The following FAM149A variants were observed in gnomAD, a reference collection of about 807,000 sequenced individuals.
FAM149A encodes the protein protein FAM149A.
Under a neutral mutation model 78.2 loss-of-function variants are expected in FAM149A, and 71 were observed. That is an observed-to-expected ratio of 0.91 (90% CI 0.75 to 1.11). FAM149A has a LOEUF of 1.11. Ranked by LOEUF, FAM149A falls within the 50% of genes least tolerant of loss-of-function variation. FAM149A has a pLI of 0.00. For missense variants in FAM149A, 1,036 were observed against 971.0 expected, an observed-to-expected ratio of 1.07 and a Z score of -0.89; for synonymous variants, 446 against 410.5, an observed-to-expected ratio of 1.09 and a Z score of -1.04.
Position 186,105,317 on chromosome 4 carries a change from G to T in FAM149A, c.241G>T (p.Gly81Cys). 8.6e-7 allele frequency: 1 copy of T among 1,169,500 alleles called. No homozygotes were observed. Among genetic ancestry groups the T allele is most frequent in the South Asian group, 1.6e-5 (1 of 61,918 alleles). 72.4% of individuals were successfully genotyped at this position (1,169,500 alleles called of 1,614,324 possible). ...GCTGCTCTCCTCCCCCTACTCCCGG[G>T]GCTCCGCCGCCAGCCGCGCCGCGGG... Residue 81 changes from glycine to cysteine, a missense_variant, in exon 1 of 14, where the codon GGC becomes TGC. Transcript: ENST00000389354.
intron 1 of FAM149A, among the ~76,000 whole-genome samples, chr4:186,124,864 G>C (rs1318776497): frequency 6.6e-6 from 1 of 152,068 alleles, no homozygotes; most frequent in Non-Finnish European, 1.5e-5. Flanking sequence ...GGTTGAACTA[G>C]TTTACAGTCC....
intron 1 of FAM149A, among the ~76,000 whole-genome samples, chr4:186,146,213 G>T (rs1733022582): frequency 6.6e-6 from 1 of 152,108 alleles, no homozygotes; most frequent in South Asian, 2.1e-4. Flanking sequence ...GGTCAAGTTT[G>T]TATGTTATTA....
chr4:186,151,147 G>A, intron 3 of FAM149A: 1 of 730,110 alleles, frequency 1.4e-6, no homozygotes, highest in Non-Finnish European at 1.7e-6. Context: ...GCTCAGCACT[G>A]CTAGGAGGAC....
At position 186,104,860 on chromosome 4, in the gene FAM149A, C is replaced by T. The variant is rs1190312721; in HGVS notation, c.-217C>T. On this transcript the variant is annotated 5_prime_UTR_variant, in exon 1 of 14. Transcript: ENST00000389354. ...CGCTGGGACGAGGCGGGGCTGCTCT[C>T]CGCAGCCGGGGCGCTCGGCGGACGG... The T allele has an allele frequency of 1.3e-5, 9 of 699,942 alleles. No individual in the cohort carries two copies. Among genetic ancestry groups the T allele is most frequent in the Non-Finnish European group, 1.6e-5 (9 of 569,356 alleles). 43.4% of individuals were successfully genotyped at this position (699,942 alleles called of 1,614,324 possible). A position where few individuals can be genotyped will look rare whatever the true frequency, so the allele number is the denominator to read the frequency against.
At chr4:186,121,729 C>T (rs1285133395) in intron 1 of FAM149A, among the ~76,000 whole-genome samples, 1 of 152,226 alleles carries the variant, frequency 6.6e-6, no homozygotes, top group Non-Finnish European at 1.5e-5. Flanking sequence ...GAGTGTGGTG[C>T]TGCCATCCTA....
chr4:186,154,384 AT>A, intron 5 of FAM149A, 83 bp from the exon 6 acceptor site: 1 of 1,179,584 alleles, frequency 8.5e-7, no homozygotes. Context: ...TTTACAGATA[AT>A]TGAAAGATCC....
chr4:186,124,159 CTG>C (rs2099317245), intron 1 of FAM149A: 1 of 985,186 alleles, frequency 1.0e-6, no homozygotes, highest in South Asian at 4.7e-5. Context: ...CAGAATAATC[CTG>C]TGAGTAGGAA....
intron 3 of FAM149A, among the ~76,000 whole-genome samples, chr4:186,150,662 G>T (rs77576927): frequency 7.1e-6 from 1 of 141,688 alleles, no homozygotes; most frequent in Non-Finnish European, 1.5e-5. Context: ...CTCGTGATCC[G>T]CCCGTCTCGG....
Position 186,144,316 on chromosome 4 carries a change from C to G in FAM149A, c.567-4857C>G, listed in dbSNP as rs1316023369. The G allele has an allele frequency of 6.6e-6, 1 of 152,274 alleles. No individual in the cohort carries two copies. Among genetic ancestry groups the G allele is most frequent in the African/African-American group, 2.4e-5 (1 of 41,444 alleles). The allele number at this position is 152,274 out of a possible 1,614,324, so 9.4% of individuals were successfully genotyped here. A position where few individuals can be genotyped will look rare whatever the true frequency, so the allele number is the denominator to read the frequency against. On this transcript the variant is annotated intron_variant, in intron 1 of 13. Coordinates refer to ENST00000389354, the MANE Select transcript of FAM149A (RefSeq NM_001367768.3). This position sits in a 1 kb window ranked among gnomAD's most constrained non-coding sequence, Gnocchi z 4.2. The stretch of plus-strand genomic sequence containing the variant: ...ATGCTCGGGGTGTGCAGGAGATGCA[C>G]CGGCTTGTGTGAGCCGGTAGGGCAG...
intron 7 of FAM149A, among the ~76,000 whole-genome samples, chr4:186,157,130 T>C (rs7676896): frequency 0.57 from 87,368 of 152,146 alleles, 26,989 homozygotes; most frequent in Non-Finnish European, 0.71. Context: ...ATGTAAACAT[T>C]GCTAATTGAA....
At chr4:186,136,674 A>C (rs2099322838) in intron 1 of FAM149A, among the ~76,000 whole-genome samples, 1 of 152,100 alleles carries the variant, frequency 6.6e-6, no homozygotes, top group African/African-American at 2.4e-5. Flanking sequence ...TGGATACAAC[A>C]TTTATAGCAA....
chr4:186,158,504 A>G (rs1368552358), intron 8 of FAM149A: 30 of 1,025,002 alleles, frequency 2.9e-5, no homozygotes, highest in Non-Finnish European at 3.5e-5. Flanking sequence ...GACCCTGAAG[A>G]GATTGAGGTG....
At position 186,153,339 on chromosome 4, in the gene FAM149A, G is replaced by A. The variant is rs965463490; in HGVS notation, c.933-306G>A. ...GCCCAGTGTTGCCTTAGACACCTGA[G>A]TCTGTCATATATGATCTCTAAGCCA... On this transcript the variant is annotated intron_variant, in intron 4 of 13. Transcript: ENST00000389354. 3.0e-5 allele frequency: 28 copies of A among 932,348 alleles called. No homozygotes were observed. In the African/African-American group the frequency reaches 4.4e-4, roughly 15 times the overall value. The allele number at this position is 932,348 out of a possible 1,614,324, so 57.8% of individuals were successfully genotyped here.
intron 1 of FAM149A, among the ~76,000 whole-genome samples, chr4:186,126,667 A>C (rs757553297): frequency 6.6e-6 from 1 of 152,090 alleles, no homozygotes; most frequent in South Asian, 2.1e-4. Flanking sequence ...AAGTCACGCC[A>C]TCGTCACCCC....
intron 1 of FAM149A, among the ~76,000 whole-genome samples, chr4:186,141,756 TAAC>T (rs981377882): frequency 5.5e-4 from 84 of 152,302 alleles, no homozygotes; most frequent in African/African-American, 1.9e-3. Context: ...AGGTTTGGCT[TAAC>T]AAGACGTCAG....
intron 8 of FAM149A, chr4:186,158,580 G>A (rs1346513180): frequency 5.5e-6 from 2 of 365,510 alleles, no homozygotes; most frequent in Admixed American, 3.1e-4. Context: ...GATTGCTCCA[G>A]TGCCTGCTGA....
intron 11 of FAM149A, among the ~76,000 whole-genome samples, chr4:186,166,577 G>T (rs2126542728): frequency 6.6e-6 from 1 of 151,106 alleles, no homozygotes; most frequent in East Asian, 2.0e-4. Context: ...CTTGAACCCT[G>T]GAGGCCAAGG....
At chr4:186,137,343 T>C (rs2099323857) in intron 1 of FAM149A, among the ~76,000 whole-genome samples, 1 of 152,062 alleles carries the variant, frequency 6.6e-6, no homozygotes, top group South Asian at 2.1e-4. Flanking sequence ...GTAAGGTACA[T>C]TGGTCTCTGG....
chr4:186,128,605 AATGGAAAT>A (rs2099319354), intron 1 of FAM149A, among the ~76,000 whole-genome samples: 1 of 152,210 alleles, frequency 6.6e-6, no homozygotes, highest in African/African-American at 2.4e-5. Flanking sequence ...AGCTCTGCTT[AATGGAAAT>A]ATGTCTAGTA....
Sources: allele counts gnomAD v4.1 joint callset (sites outside exome capture counted in the v4.1 genomes callset), GRCh38; gene constraint gnomAD v4.1.1; non-coding constraint Gnocchi (gnomAD v3.1); transcripts MANE v1.5; gene names NCBI Gene and HGNC (gene_info 2026-07-23, HGNC 2026-07-21).